The following RNLS variants were observed in gnomAD, a reference collection of about 807,000 sequenced individuals.
The protein encoded by RNLS is renalase, FAD dependent amine oxidase.
RNLS carries 39 observed loss-of-function variants against 39.8 expected under a neutral mutation model. That is an observed-to-expected ratio of 0.98 (90% CI 0.76 to 1.28). The LOEUF is 1.28. Among genes scored for constraint, RNLS ranks in the 50% most tolerant of loss-of-function variants. RNLS has a pLI of 0.00. For synonymous variants in RNLS, 147 were observed against 150.7 expected, an observed-to-expected ratio of 0.98 and a Z score of 0.18; for missense variants, 410 against 413.3, an observed-to-expected ratio of 0.99 and a Z score of 0.07.
chr10:88,248,134 G>T, the RNLS span, among the ~76,000 whole-genome samples: 1 of 152,196 alleles, frequency 6.6e-6, no homozygotes, highest in East Asian at 1.9e-4. Context: ...TTAATAAAAT[G>T]TTAGCTGGTA....
chr10:88,347,408 C>T (rs961428446), intron 5 of RNLS, among the ~76,000 whole-genome samples: 3 of 152,108 alleles, frequency 2.0e-5, no homozygotes, highest in Non-Finnish European at 2.9e-5. Flanking sequence ...GCAAGCTGAG[C>T]TTTCTATATT....
chr10:88,230,495 C>T, the RNLS span, among the ~76,000 whole-genome samples: 13 of 151,442 alleles, frequency 8.6e-5, no homozygotes, highest in African/African-American at 2.7e-4. Flanking sequence ...GTCTTTCTGT[C>T]GTGCCTTCTT....
At chr10:88,263,014 A>T in the RNLS span, among the ~76,000 whole-genome samples, 4 of 152,216 alleles carry the variant, frequency 2.6e-5, no homozygotes, top group Admixed American at 2.0e-4. Flanking sequence ...TTAGGGCCTC[A>T]GTTTTCTCAT....
At chr10:88,495,855 T>G (rs901452539) in intron 4 of RNLS, among the ~76,000 whole-genome samples, 1 of 152,118 alleles carries the variant, frequency 6.6e-6, no homozygotes, top group Non-Finnish European at 1.5e-5. Flanking sequence ...CATTTTTTTC[T>G]TTTGGTTCAG....
At chr10:88,216,963 T>C in the RNLS span, among the ~76,000 whole-genome samples, 1 of 152,232 alleles carries the variant, frequency 6.6e-6, no homozygotes, top group Non-Finnish European at 1.5e-5. Context: ...AGATAGGCTC[T>C]TGGCATTCTA....
At chr10:88,198,707 A>T in the RNLS span, among the ~76,000 whole-genome samples, 3 of 152,182 alleles carry the variant, frequency 2.0e-5, no homozygotes, top group South Asian at 4.2e-4. Context: ...TGCTCCAGCC[A>T]TGTAGCATGC....
downstream of RNLS, among the ~76,000 whole-genome samples, chr10:88,281,504 G>C (rs1843007514): frequency 6.6e-6 from 1 of 152,068 alleles, no homozygotes; most frequent in Non-Finnish European, 1.5e-5. Context: ...CTCTGGGTGG[G>C]GATTGCTGAT....
intron 4 of RNLS, among the ~76,000 whole-genome samples, chr10:88,445,532 A>AG (rs1426248787): frequency 6.6e-6 from 1 of 152,218 alleles, no homozygotes; most frequent in East Asian, 1.9e-4. Context: ...AATTGGATAG[A>AG]GTCAAGACTC....
At chr10:88,532,923 A>G (rs2134247449) in intron 4 of RNLS, among the ~76,000 whole-genome samples, 1 of 152,216 alleles carries the variant, frequency 6.6e-6, no homozygotes, top group African/African-American at 2.4e-5. Context: ...TGAAATAATA[A>G]GAAGGTGCTC....
intron 4 of RNLS, among the ~76,000 whole-genome samples, chr10:88,548,269 A>T (rs1848429626): frequency 3.8e-5 from 2 of 52,522 alleles, no homozygotes; most frequent in African/African-American, 7.0e-5. Context: ...CTCAAAAAAA[A>T]AAAAAAAAAA....
chr10:88,216,117 A>G, the RNLS span, among the ~76,000 whole-genome samples: 1 of 152,214 alleles, frequency 6.6e-6, no homozygotes, highest in Non-Finnish European at 1.5e-5. Context: ...ATATATCTCT[A>G]TATCGTATCT....
the RNLS span, among the ~76,000 whole-genome samples, chr10:88,240,058 AG>A: frequency 6.6e-6 from 1 of 152,264 alleles, no homozygotes; most frequent in African/African-American, 2.4e-5. Flanking sequence ...TAATAGAGCA[AG>A]ATGTAAGGAA....
intron 4 of RNLS, among the ~76,000 whole-genome samples, chr10:88,381,553 A>G (rs1851497995): frequency 6.6e-6 from 1 of 151,874 alleles, no homozygotes; most frequent in Non-Finnish European, 1.5e-5. Context: ...TTCTTTTATT[A>G]GTGATAATAG....
chr10:88,228,801 AC>A, the RNLS span, among the ~76,000 whole-genome samples: 1 of 152,164 alleles, frequency 6.6e-6, no homozygotes, highest in African/African-American at 2.4e-5. Context: ...TCCTGAATTC[AC>A]TTTTTGGTTT....
intron 4 of RNLS, among the ~76,000 whole-genome samples, chr10:88,403,890 A>T (rs922447659): frequency 2.0e-5 from 3 of 151,960 alleles, no homozygotes; most frequent in African/African-American, 7.2e-5. Flanking sequence ...ACATAAAAAA[A>T]AAATTAGTTG....
chr10:88,526,890 C>A (rs1261560627), intron 4 of RNLS, among the ~76,000 whole-genome samples: 2 of 151,186 alleles, frequency 1.3e-5, no homozygotes, highest in African/African-American at 4.9e-5. Context: ...CGCAGAACTG[C>A]AGAAATGTTA....
At chr10:88,540,158 T>C (rs1847965914) in intron 4 of RNLS, among the ~76,000 whole-genome samples, 1 of 152,156 alleles carries the variant, frequency 6.6e-6, no homozygotes, top group Admixed American at 6.6e-5. Context: ...ACAACTGCAA[T>C]ATGCTACGCT....
At chr10:88,422,514 G>A (rs903805086) in intron 4 of RNLS, among the ~76,000 whole-genome samples, 8 of 151,826 alleles carry the variant, frequency 5.3e-5, no homozygotes, top group East Asian at 1.9e-4. Flanking sequence ...ACTTTCTTTC[G>A]GGTAACTGGA....
chr10:88,360,755 C>A (rs1223134488), intron 5 of RNLS, among the ~76,000 whole-genome samples: 6 of 152,134 alleles, frequency 3.9e-5, no homozygotes, highest in Admixed American at 6.6e-5. Context: ...CATTCCTAAG[C>A]ATGTTGTTAA....
Sources: gnomAD v4.1 joint callset for allele counts (sites outside exome capture counted in the v4.1 genomes callset) on GRCh38, gnomAD v4.1.1 for gene constraint, MANE v1.5 for transcripts, NCBI Gene and HGNC (gene_info 2026-07-23, HGNC 2026-07-21) for gene names.